Variants in SLC35F1 observed in about 807,000 individuals in gnomAD.
SLC35F1 encodes solute carrier family 35 member F1, also known as chromosome 6 open reading frame 169.
In SLC35F1, 14 loss-of-function variants were observed where a neutral mutation model predicts 48.7. That is an observed-to-expected ratio of 0.29 (90% CI 0.19 to 0.45). The LOEUF (loss-of-function observed/expected upper bound fraction) is 0.45, where lower values mean the gene tolerates loss of function less well. Among genes scored for constraint, SLC35F1 ranks in the 20% least tolerant of loss-of-function variants. The pLI, the probability that SLC35F1 is intolerant of heterozygous loss-of-function variation, is 1.00. For synonymous variants in SLC35F1, 190 were observed against 202.2 expected (o/e 0.94, Z 0.51); for missense variants, 404 against 500.0 (o/e 0.81, Z 1.83).
intron 1 of SLC35F1, among the ~76,000 whole-genome samples, chr6:118,153,564 C>G (rs2114467010): frequency 6.6e-6 from 1 of 152,230 alleles, no homozygotes; most frequent in Non-Finnish European, 1.5e-5. Flanking sequence ...TTTGTATTTG[C>G]AGGGGCTTTT....
At chr6:118,092,476 G>A (rs1773089288) in intron 1 of SLC35F1, among the ~76,000 whole-genome samples, 1 of 152,230 alleles carries the variant, frequency 6.6e-6, no homozygotes, top group Non-Finnish European at 1.5e-5. Flanking sequence ...AGGGAAATGT[G>A]GTGTGTGAGC....
intron 2 of SLC35F1, among the ~76,000 whole-genome samples, chr6:118,178,159 T>TGC (rs1774519793): frequency 6.6e-6 from 1 of 152,056 alleles, no homozygotes; most frequent in African/African-American, 2.4e-5. Flanking sequence ...ATCGCTGCAC[T>TGC]AGATATCCAC....
intron 1 of SLC35F1, among the ~76,000 whole-genome samples, chr6:118,094,178 A>G (rs1773116092): frequency 6.6e-6 from 1 of 152,206 alleles, no homozygotes; most frequent in South Asian, 2.1e-4. Flanking sequence ...GGATACTTTC[A>G]AGAGCAAAGT....
intron 2 of SLC35F1, among the ~76,000 whole-genome samples, chr6:118,177,644 G>T (rs1193682452): frequency 2.0e-5 from 3 of 151,904 alleles, no homozygotes; most frequent in Non-Finnish European, 2.9e-5. Flanking sequence ...TATTGACCCT[G>T]CCACTGACTG....
At chr6:118,293,460 A>G (rs778793308) in intron 7 of SLC35F1, among the ~76,000 whole-genome samples, 1 of 152,162 alleles carries the variant, frequency 6.6e-6, no homozygotes. Flanking sequence ...CTGCTATTAC[A>G]TTCAGCCCAC....
chr6:118,071,049 G>T, intron 1 of SLC35F1, among the ~76,000 whole-genome samples: 1 of 760 alleles, frequency 1.3e-3, no homozygotes, highest in East Asian at 0.083. Flanking sequence ...TATACACATA[G>T]TATATATATT....
intron 2 of SLC35F1, among the ~76,000 whole-genome samples, chr6:118,182,793 T>G (rs2114512622): frequency 6.6e-6 from 1 of 152,310 alleles, no homozygotes; most frequent in African/African-American, 2.4e-5. Context: ...GACATTATTA[T>G]TTTCATATAT....
At chr6:118,203,673 A>G (rs1241483184) in intron 2 of SLC35F1, among the ~76,000 whole-genome samples, 2 of 152,240 alleles carry the variant, frequency 1.3e-5, no homozygotes, top group Non-Finnish European at 2.9e-5. Context: ...GCCTGTCAAT[A>G]GAGAGACACC....
intron 1 of SLC35F1, among the ~76,000 whole-genome samples, chr6:117,956,238 G>C (rs550479608): frequency 1.3e-5 from 2 of 152,318 alleles, no homozygotes; most frequent in East Asian, 1.9e-4. Context: ...GAGTGGGGCA[G>C]GGTATCTTCC....
At chr6:118,026,668 G>T (rs1310920289) in intron 1 of SLC35F1, among the ~76,000 whole-genome samples, 2 of 152,168 alleles carry the variant, frequency 1.3e-5, no homozygotes, top group African/African-American at 2.4e-5. Flanking sequence ...GGATTTTAAA[G>T]TGTCATTAAG....
In SLC35F1 at chr6:118,193,591, A is replaced by T. The variant is rs149417152; in HGVS notation, c.349+38971A>T. On this transcript the variant is annotated intron_variant, in intron 2 of 7. Coordinates refer to ENST00000360388, the MANE Select transcript of SLC35F1 (RefSeq NM_001029858.4). ...TAAAAATACATTTTACTTTCTTTAC[A>T]TACCTTGCATGTAAAAATTTTTTTC... Among the ~76,000 whole-genome samples, 263 of 152,312 alleles carry T rather than the reference A, an allele frequency of 1.7e-3. 1 individual carries two copies. The highest frequency in any genetic ancestry group is 5.7e-3 in the African/African-American group (236 of 41,572).
At chr6:117,978,480 T>G (rs952352934) in intron 1 of SLC35F1, among the ~76,000 whole-genome samples, 1 of 152,212 alleles carries the variant, frequency 6.6e-6, no homozygotes, top group African/African-American at 2.4e-5. Flanking sequence ...TTCATCATAA[T>G]GAGCAACAAG....
chr6:118,303,712 G>A (rs189381634), intron 7 of SLC35F1, among the ~76,000 whole-genome samples: 30 of 152,314 alleles, frequency 2.0e-4, no homozygotes, highest in African/African-American at 7.0e-4. Context: ...CTAATTTAGA[G>A]TTGTTACTCA....
chr6:118,247,343 T>G (rs527438449), intron 3 of SLC35F1, among the ~76,000 whole-genome samples: 1 of 152,206 alleles, frequency 6.6e-6, no homozygotes, highest in Non-Finnish European at 1.5e-5. Context: ...TCATAAAGAT[T>G]AATGACGCTG....
At chr6:118,012,217 A>G (rs991831094) in intron 1 of SLC35F1, among the ~76,000 whole-genome samples, 1 of 151,926 alleles carries the variant, frequency 6.6e-6, no homozygotes, top group Non-Finnish European at 1.5e-5. Context: ...ATTTAACTAC[A>G]TTTGTGATAC....
chr6:118,307,474 A>C (rs1776324964), intron 7 of SLC35F1, among the ~76,000 whole-genome samples: 1 of 152,214 alleles, frequency 6.6e-6, no homozygotes, highest in South Asian at 2.1e-4. Flanking sequence ...TAAGGAAAAA[A>C]AGAAAAAGAG....
intron 2 of SLC35F1, among the ~76,000 whole-genome samples, chr6:118,200,506 G>A (rs1476342027): frequency 6.6e-6 from 1 of 152,072 alleles, no homozygotes; most frequent in Non-Finnish European, 1.5e-5. Context: ...AGTCCCTCAA[G>A]GAATAGAAGA....
At chr6:118,054,840 G>A (rs9387548) in intron 1 of SLC35F1, among the ~76,000 whole-genome samples, 102,680 of 151,684 alleles carry the variant, frequency 0.68, 34,983 homozygotes, top group African/African-American at 0.75. Context: ...GCAGTGGCGC[G>A]ATCTCAGCTC....
intron 7 of SLC35F1, among the ~76,000 whole-genome samples, chr6:118,303,339 G>T (rs1435765460): frequency 1.3e-5 from 2 of 152,192 alleles, no homozygotes; most frequent in African/African-American, 4.8e-5. Flanking sequence ...AAGATAGATT[G>T]CCCTTAGAAG....
Sources: gnomAD v4.1 joint callset for allele counts (sites outside exome capture counted in the v4.1 genomes callset) on GRCh38, gnomAD v4.1.1 for gene constraint, MANE v1.5 for transcripts, NCBI Gene and HGNC (gene_info 2026-07-23, HGNC 2026-07-21) for gene names.